SEC14L5: variants seen among roughly 807,000 people sequenced by gnomAD.
SEC14L5 encodes SEC14-like protein 5.
Under a neutral mutation model 84.6 loss-of-function variants are expected in SEC14L5, and 96 were observed. That is an observed-to-expected ratio of 1.13 (90% CI 0.96 to 1.34). The LOEUF (loss-of-function observed/expected upper bound fraction) is 1.34. SEC14L5 is among the 40% of genes most tolerant of loss of function. SEC14L5 has a pLI of 0.00. For missense variants in SEC14L5, 1,224 were observed against 942.5 expected (o/e 1.30, Z -3.91); for synonymous variants, 546 against 383.4 (o/e 1.42, Z -4.95).
chr16:4,985,507 C>T (rs989297451), intron 2 of SEC14L5, among the ~76,000 whole-genome samples: 6 of 152,190 alleles, frequency 3.9e-5, no homozygotes, highest in East Asian at 1.9e-4. Context: ...GGATTAGAAG[C>T]GTGAGCCACC....
chr16:5,001,118 A>T (rs1396525446), intron 10 of SEC14L5, among the ~76,000 whole-genome samples, 193 bp downstream of exon 10: 2 of 152,062 alleles, frequency 1.3e-5, no homozygotes, highest in African/African-American at 2.4e-5. Context: ...GGAAACTGAG[A>T]TTCAGAATGG....
Position 4,991,976 on chromosome 16 carries a change from G to C in SEC14L5, c.613G>C (p.Ala205Pro). Residue 205 changes from alanine to proline, a missense_variant, in exon 6 of 16, where the codon GCC becomes CCC. Ala to Pro is a conservative substitution (Grantham distance 27, BLOSUM62 -1). Coordinates refer to ENST00000251170, the MANE Select transcript of SEC14L5 (RefSeq NM_014692.2). ...ACCGAGGGACCCCAGCTCCCTGGAGGCCCACGGGCCCCGTAGCACCCTGGG... is the reference window on the plus strand; with the variant it reads ...ACCGAGGGACCCCAGCTCCCTGGAGCCCCACGGGCCCCGTAGCACCCTGGG... ...AGPRDPSSLEAHGPRSTLGPA... is the reference protein window; with the variant it reads ...AGPRDPSSLEPHGPRSTLGPA... 1.3e-6 allele frequency: 2 copies of C among 1,588,508 alleles called. No individual in the cohort carries two copies. The highest frequency in any genetic ancestry group is 1.7e-6 in the Non-Finnish European group (2 of 1,172,312).
intron 2 of SEC14L5, among the ~76,000 whole-genome samples, chr16:4,981,076 A>G (rs1955417714): frequency 1.6e-3 from 1 of 636 alleles, no homozygotes; most frequent in African/African-American, 5.8e-3. Context: ...ACCACCATAA[A>G]GAGTGCAGGT....
At chr16:4,961,217 G>C (rs1376652027) in intron 2 of SEC14L5, among the ~76,000 whole-genome samples, 1 of 152,186 alleles carries the variant, frequency 6.6e-6, no homozygotes, top group Non-Finnish European at 1.5e-5. Flanking sequence ...ACGTTGCAGA[G>C]AGCCGAGATT....
At chr16:4,963,441 G>T (rs888203233) in intron 2 of SEC14L5, among the ~76,000 whole-genome samples, 1 of 152,114 alleles carries the variant, frequency 6.6e-6, no homozygotes, top group Non-Finnish European at 1.5e-5. Flanking sequence ...CGCCTTCTGG[G>T]TTCAAGTGAT....
chr16:5,012,127 G>A (rs984044956), intron 15 of SEC14L5, among the ~76,000 whole-genome samples: 1 of 152,178 alleles, frequency 6.6e-6, no homozygotes, highest in Admixed American at 6.5e-5. Flanking sequence ...GAACACTGGG[G>A]CAGAGTCTTT....
intron 1 of SEC14L5, among the ~76,000 whole-genome samples, chr16:4,958,919 T>C (rs1955085719): frequency 6.6e-6 from 1 of 151,892 alleles, no homozygotes; most frequent in African/African-American, 2.4e-5. Context: ...TGTGGCAAGC[T>C]GCGGGGTGCA....
intron 2 of SEC14L5, among the ~76,000 whole-genome samples, chr16:4,963,469 CT>C (rs1488863796): frequency 6.6e-6 from 1 of 152,186 alleles, no homozygotes; most frequent in Non-Finnish European, 1.5e-5. Flanking sequence ...CTTCAGCCCC[CT>C]GAGTAGCTGA....
At chr16:5,005,245 G>C (rs373407830) in intron 11 of SEC14L5, among the ~76,000 whole-genome samples, 1 of 151,998 alleles carries the variant, frequency 6.6e-6, no homozygotes, top group African/African-American at 2.4e-5. Context: ...AACCTGGGAG[G>C]TGCAGCTTGC....
intron 2 of SEC14L5, among the ~76,000 whole-genome samples, chr16:4,960,355 T>A (rs1426121035): frequency 1.3e-5 from 2 of 152,094 alleles, no homozygotes; most frequent in African/African-American, 4.8e-5. Flanking sequence ...ATTAATGTAT[T>A]GAAAGTGTAA....
In SEC14L5 at chr16:5,016,507, C is replaced by T. The variant is rs1197818705; in HGVS notation, c.*1537C>T. The stretch of plus-strand genomic sequence containing the variant: ...TCTGCACCCCTGGATGTGGCCACGC[C>T]AGTCCCTACCCCATTGACTTGCGCC... On this transcript the variant is annotated 3_prime_UTR_variant, in exon 16 of 16. Transcript: ENST00000251170. 6.6e-6 allele frequency: 1 copy of T among 152,218 alleles called. No homozygotes were observed. The highest frequency in any genetic ancestry group is 6.5e-5 in the Admixed American group (1 of 15,290). 9.4% of individuals were successfully genotyped at this position (152,218 alleles called of 1,614,324 possible).
Position 4,988,176 on chromosome 16 carries a change from G to A in SEC14L5, c.241G>A (p.Val81Met). ...KIAGVEHVVF[V>M]QTNILNWKER... ...CGCAGGTGTTGAGCACGTGGTCTTC[G>A]TGCAGACAAACATCTTGAACTGGAA... Residue 81 changes from valine to methionine, a missense_variant, in exon 4 of 16, where the codon GTG becomes ATG. Transcript: ENST00000251170. 2 of 1,613,486 alleles carry A rather than the reference G, an allele frequency of 1.2e-6. No homozygotes were observed. The highest frequency in any genetic ancestry group is 1.7e-6 in the Non-Finnish European group (2 of 1,179,700).
intron 5 of SEC14L5, 22 bp downstream of exon 5, chr16:4,990,917 T>C (rs1955546615): frequency 6.5e-7 from 1 of 1,543,290 alleles, no homozygotes; most frequent in Admixed American, 2.0e-5. Flanking sequence ...GTTGCGTTAG[T>C]TACTGGAGGA....
chr16:4,970,521 C>T (rs576985460), intron 2 of SEC14L5, among the ~76,000 whole-genome samples: 46 of 152,276 alleles, frequency 3.0e-4, no homozygotes, highest in African/African-American at 1.1e-3. Context: ...AGTGTTTCCC[C>T]TCTGCGCAAA....
chr16:4,961,286 G>GCAACAACAACAA lies in SEC14L5; in HGVS notation c.63+1907_63+1918dup, dbSNP rs1056092235. 3.4e-3 allele frequency among the ~76,000 whole-genome samples: 490 copies of GCAACAACAACAA among 145,734 alleles called. 3 individuals carry two copies. The highest frequency in any genetic ancestry group is 0.012 in the African/African-American group (465 of 40,288). ...AGACTCCGTCTCAACAACAACAACAGCAACAACAACAACAACAAAGTTGCT... is the reference window on the plus strand; with the variant it reads ...AGACTCCGTCTCAACAACAACAACAGCAACAACAACAACAACAACAACAACAACAAAGTTGCT... On this transcript the variant is annotated intron_variant, in intron 2 of 15. Coordinates refer to ENST00000251170, the MANE Select transcript of SEC14L5 (RefSeq NM_014692.2).
At chr16:4,960,513 G>A (rs1286170168) in intron 2 of SEC14L5, 1 of 152,152 alleles carries the variant, frequency 6.6e-6, no homozygotes, top group Non-Finnish European at 1.5e-5. Flanking sequence ...ATGCGTATAT[G>A]TTTATTGTCA....
At chr16:4,997,230 C>T (rs1217689054) in intron 8 of SEC14L5, among the ~76,000 whole-genome samples, 186 bp downstream of exon 8, 1 of 152,216 alleles carries the variant, frequency 6.6e-6, no homozygotes. Context: ...TCCCCAGCAG[C>T]TGGGATTACA....
chr16:4,992,005 C>T lies in SEC14L5; in HGVS notation c.642C>T (p.Pro214=), dbSNP rs752522223. The T allele has an allele frequency of 2.4e-5, 38 of 1,577,594 alleles. No individual in the cohort carries two copies. The Middle Eastern group carries it at 7.0e-4, about 29-fold the overall frequency. The change falls in exon 6 of 16, where the codon CCC becomes CCT. Residue 214 remains proline (P), a synonymous_variant. Coordinates refer to ENST00000251170, the MANE Select transcript of SEC14L5 (RefSeq NM_014692.2). ...ACGGGCCCCGTAGCACCCTGGGGCCCGCTCTGGAGGCGGTCAGTATGGACG... is the reference window on the plus strand; with the variant it reads ...ACGGGCCCCGTAGCACCCTGGGGCCTGCTCTGGAGGCGGTCAGTATGGACG... ...EAHGPRSTLG[P]ALEAVSMDGD... is the part of the protein sequence containing the mutation.
intron 15 of SEC14L5, 78 bp downstream of exon 15, chr16:5,011,351 T>A: frequency 6.9e-7 from 1 of 1,447,452 alleles, no homozygotes; most frequent in Non-Finnish European, 9.4e-7. Context: ...TGGCCTCCTG[T>A]CTCCCAGCTG....
Sources: allele counts gnomAD v4.1 joint callset (sites outside exome capture counted in the v4.1 genomes callset), GRCh38; gene constraint gnomAD v4.1.1; transcripts MANE v1.5; gene names NCBI Gene and HGNC (gene_info 2026-07-23, HGNC 2026-07-21).